The following TP63 variants were observed in gnomAD, a reference collection of about 807,000 sequenced individuals.
The protein encoded by TP63 is tumor protein p63.
A neutral mutation model predicts 82.8 loss-of-function variants in TP63; 17 were observed. That is an observed-to-expected ratio of 0.21 (90% CI 0.14 to 0.31). The LOEUF (loss-of-function observed/expected upper bound fraction) is 0.31, where lower values mean the gene tolerates loss of function less well. Among genes scored for constraint, TP63 ranks in the 10% least tolerant of loss-of-function variants. TP63 has a pLI of 1.00. For missense variants in TP63, 648 were observed against 895.3 expected (o/e 0.72, Z 3.52); for synonymous variants, 330 against 321.7 (o/e 1.03, Z -0.28).
chr3:189,829,608 A>G lies in TP63; in HGVS notation c.579+21082A>G, dbSNP rs1024748187. ...TGGAACTAAGGAATGGGCAGAGACT[A>G]GATTTGGAGGAGCAGGGTACTAAAA... On this transcript the variant is annotated intron_variant, in intron 4 of 13. Coordinates refer to ENST00000264731, the MANE Select transcript of TP63 (RefSeq NM_003722.5). 2.5e-4 allele frequency among the ~76,000 whole-genome samples: 38 copies of G among 152,216 alleles called. 1 individual carries two copies. Among genetic ancestry groups the G allele is most frequent in the Admixed American group, 1.3e-4 (2 of 15,280 alleles).
At chr3:189,693,232 G>A (rs9835321) in intron 1 of TP63, among the ~76,000 whole-genome samples, 65,271 of 152,064 alleles carry the variant, frequency 0.43, 14,307 homozygotes, top group East Asian at 0.66. Flanking sequence ...AAAACAAAGT[G>A]ATTTATAAAG....
Position 189,738,689 on chromosome 3 carries a change from C to T in TP63, c.239C>T (p.Pro80Leu). The T allele has an allele frequency of 6.2e-7, 1 of 1,613,988 alleles. No individual in the cohort carries two copies. The highest frequency in any genetic ancestry group is 8.5e-7 in the Non-Finnish European group (1 of 1,179,986). The part of the protein sequence containing the change: ...QPIDLNFVDE[P>L]SEDGATNKIE... ...ATTGACTTGAACTTTGTGGATGAAC[C>T]ATCAGAAGATGGTGCGACAAACAAG... is the stretch of plus-strand genomic sequence containing the variant. Residue 80 changes from proline to leucine, a missense_variant, in exon 3 of 14, where the codon CCA becomes CTA. Pro to Leu is a moderately conservative substitution (Grantham distance 98). Around this residue, in one of 5 missense-constraint regions of TP63, gnomAD observed 182 missense variants for 213.6 expected, o/e 0.85. Transcript: ENST00000264731.
At chr3:189,672,966 G>A (rs758219382) in intron 1 of TP63, among the ~76,000 whole-genome samples, 1 of 151,912 alleles carries the variant, frequency 6.6e-6, no homozygotes, top group Non-Finnish European at 1.5e-5. Flanking sequence ...TCAGCCTCCC[G>A]AGTAGCTGGA....
intron 1 of TP63, among the ~76,000 whole-genome samples, chr3:189,672,848 A>G (rs1318608267): frequency 6.6e-6 from 1 of 152,130 alleles, no homozygotes; most frequent in African/African-American, 2.4e-5. Flanking sequence ...TAATACAAAC[A>G]GTTAAACCTC....
chr3:189,866,740 T>C lies in TP63; in HGVS notation c.825T>C (p.Tyr275=), dbSNP rs773649260. 2 of 1,614,062 alleles carry C rather than the reference T, an allele frequency of 1.2e-6. No individual in the cohort carries two copies. Among genetic ancestry groups the C allele is most frequent in the Non-Finnish European group, 1.7e-6 (2 of 1,179,990 alleles). Residue 275 remains tyrosine (Y), a synonymous_variant, in exon 6 of 14, where the codon TAT becomes TAC. Transcript: ENST00000264731. The part of the protein sequence containing the change: ...IRVEGNSHAQ[Y]VEDPITGRQS... ...TAGAGGGGAACAGCCATGCCCAGTA[T>C]GTAGAAGATCCCATCACAGGAAGAC... is the stretch of plus-strand genomic sequence containing the variant.
chr3:189,642,014 C>T (rs1711928149), intron 1 of TP63, among the ~76,000 whole-genome samples: 1 of 152,160 alleles, frequency 6.6e-6, no homozygotes, highest in African/African-American at 2.4e-5. Context: ...CTGCTTCCCC[C>T]ACAACATCCT....
Position 189,787,414 on chromosome 3 carries a change from G to C in TP63, c.325-20858G>C, listed in dbSNP as rs1724697937. Among the ~76,000 whole-genome samples the C allele has an allele frequency of 2.0e-5, 3 of 152,192 alleles. No homozygotes were observed. The South Asian group carries it at 6.2e-4, about 32-fold the overall frequency. On this transcript the variant is annotated intron_variant, in intron 3 of 13. Transcript: ENST00000264731. Reference sequence around the variant, plus strand: ...AAGTAACTTGCCCCAAGGGCACGGAGCTCCTGTCTCCTAACTCCCAGTCCA... The same window carrying C: ...AAGTAACTTGCCCCAAGGGCACGGACCTCCTGTCTCCTAACTCCCAGTCCA...
chr3:189,702,870 A>G (rs1379749228), intron 1 of TP63, among the ~76,000 whole-genome samples: 1 of 152,246 alleles, frequency 6.6e-6, no homozygotes, highest in Non-Finnish European at 1.5e-5. Context: ...TAATATATGT[A>G]TAAAGAATAG....
intron 1 of TP63, among the ~76,000 whole-genome samples, chr3:189,710,792 T>G (rs79155799): frequency 0.23 from 35,473 of 151,966 alleles, 4,369 homozygotes; most frequent in Non-Finnish European, 0.27. Context: ...CTGCTGGCCT[T>G]TCACTGCCAA....
chr3:189,621,584 T>C, the TP63 span, among the ~76,000 whole-genome samples: 1 of 47,596 alleles, frequency 2.1e-5, no homozygotes, highest in African/African-American at 3.7e-5. Context: ...TATATACATA[T>C]ACACATATAC....
At chr3:189,620,399 T>G in the TP63 span, among the ~76,000 whole-genome samples, 1 of 151,484 alleles carries the variant, frequency 6.6e-6, no homozygotes, top group Non-Finnish European at 1.5e-5. Context: ...AGTCCCAGCT[T>G]CTCGGGAGGC....
chr3:189,815,890 A>G (rs1728132153), intron 4 of TP63, among the ~76,000 whole-genome samples: 1 of 152,232 alleles, frequency 6.6e-6, no homozygotes, highest in African/African-American at 2.4e-5. Flanking sequence ...GCAATACATT[A>G]TCAGAACATA....
upstream of TP63, among the ~76,000 whole-genome samples, chr3:189,627,639 T>C (rs1453941363): frequency 6.6e-6 from 1 of 152,214 alleles, no homozygotes; most frequent in Non-Finnish European, 1.5e-5. Context: ...ATTTCCTTTA[T>C]AACAGAAAGT....
At chr3:189,889,571 T>G in intron 12 of TP63, 87 bp downstream of exon 12, 3 of 1,579,398 alleles carry the variant, frequency 1.9e-6, no homozygotes, top group Non-Finnish European at 8.7e-7. Context: ...CATAAAACAG[T>G]TGGAAGGGAA....
In TP63 at chr3:189,752,746, A is replaced by C. The variant is rs77752898; in HGVS notation, c.324+13972A>C. 5.8e-3 allele frequency among the ~76,000 whole-genome samples: 883 copies of C among 151,836 alleles called. 6 individuals are homozygous for C. The highest frequency in any genetic ancestry group is 0.027 in the Middle Eastern group (8 of 294). ...TTCGAGTTTTTTAAATTAGAAGTTT[A>C]TATTATTGAGTTGAGATATCTTTTC... On this transcript the variant is annotated intron_variant, in intron 3 of 13. Coordinates refer to ENST00000264731, the MANE Select transcript of TP63 (RefSeq NM_003722.5).
At chr3:189,712,309 T>C (rs1375216364) in intron 1 of TP63, among the ~76,000 whole-genome samples, 1 of 152,220 alleles carries the variant, frequency 6.6e-6, no homozygotes, top group African/African-American at 2.4e-5. Context: ...GAAAGTTTTC[T>C]GAAATATTCT....
intron 3 of TP63, among the ~76,000 whole-genome samples, chr3:189,765,940 A>G (rs1722931823): frequency 6.6e-6 from 1 of 152,198 alleles, no homozygotes; most frequent in African/African-American, 2.4e-5. Flanking sequence ...TCTGTAATGG[A>G]TAAATCTCCA....
At chr3:189,842,277 G>A (rs970524991) in intron 4 of TP63, among the ~76,000 whole-genome samples, 3 of 152,018 alleles carry the variant, frequency 2.0e-5, no homozygotes, top group African/African-American at 7.3e-5. Flanking sequence ...AAAGCTCTCC[G>A]ATCTGCCCAC....
At chr3:189,804,798 G>C (rs1726706972) in intron 3 of TP63, among the ~76,000 whole-genome samples, 1 of 152,156 alleles carries the variant, frequency 6.6e-6, no homozygotes, top group Non-Finnish European at 1.5e-5. Flanking sequence ...AGTAGTGTCA[G>C]TTTTACGCTT....
Sources: gnomAD v4.1 joint callset for allele counts (sites outside exome capture counted in the v4.1 genomes callset) on GRCh38, gnomAD v4.1.1 for gene constraint, gnomAD v4.1.1 regional missense constraint, MANE v1.5 for transcripts, NCBI Gene and HGNC (gene_info 2026-07-23, HGNC 2026-07-21) for gene names.